OPCML: variants seen among roughly 807,000 people sequenced by gnomAD.
OPCML encodes opioid binding protein/cell adhesion molecule like, also known as opioid-binding protein/cell adhesion molecule.
OPCML carries 13 observed loss-of-function variants against 37.8 expected under a neutral mutation model. The observed-to-expected ratio is 0.34, with a 90% CI of 0.22 to 0.55. The LOEUF (loss-of-function observed/expected upper bound fraction) is 0.55, where lower values mean the gene tolerates loss of function less well. OPCML is among the 20% of genes least tolerant of loss of function. The pLI is 0.91. For synonymous variants in OPCML, 176 were observed against 168.8 expected (o/e 1.04, Z -0.33); for missense variants, 341 against 435.6 (o/e 0.78, Z 1.93).
intron 4 of OPCML, among the ~76,000 whole-genome samples, chr11:132,492,044 G>A (rs770584687): frequency 6.6e-6 from 1 of 151,454 alleles, no homozygotes; most frequent in African/African-American, 2.4e-5. Flanking sequence ...AGGGAGAGAA[G>A]GTCACAACCA....
chr11:133,183,511 T>C (rs908977770), intron 1 of OPCML, among the ~76,000 whole-genome samples: 12 of 152,226 alleles, frequency 7.9e-5, no homozygotes, highest in Non-Finnish European at 1.8e-4. Flanking sequence ...AAATATTTTC[T>C]TCTAACTACT....
chr11:133,492,589 G>A (rs77982323), intron 1 of OPCML, among the ~76,000 whole-genome samples: 2,326 of 151,910 alleles, frequency 0.015, 64 homozygotes, highest in African/African-American at 0.054. Flanking sequence ...ACTAAAACAC[G>A]TCCCAGGGTT....
intron 1 of OPCML, among the ~76,000 whole-genome samples, chr11:133,411,757 C>T (rs76401244): frequency 0.096 from 14,595 of 152,182 alleles, 1,008 homozygotes; most frequent in African/African-American, 0.18. Flanking sequence ...TCGAAACCTC[C>T]GAGTCCCAGG....
intron 1 of OPCML, among the ~76,000 whole-genome samples, chr11:133,458,876 T>TAC (rs201700168): frequency 8.1e-6 from 1 of 123,228 alleles, no homozygotes; most frequent in African/African-American, 4.7e-5. Context: ...TACACACACA[T>TAC]ACACACACAT....
At chr11:133,528,195 G>A (rs572940468) in intron 1 of OPCML, among the ~76,000 whole-genome samples, 4 of 152,340 alleles carry the variant, frequency 2.6e-5, no homozygotes, top group Admixed American at 6.5e-5. Flanking sequence ...TACTGAAAAA[G>A]CCATCTTCAT....
intron 1 of OPCML, among the ~76,000 whole-genome samples, chr11:133,415,442 A>C (rs1490316625): frequency 6.6e-6 from 1 of 151,912 alleles, no homozygotes; most frequent in Non-Finnish European, 1.5e-5. Flanking sequence ...TATTCTCCAG[A>C]TCTGGTGTGG....
chr11:133,258,000 G>A (rs528636357), intron 1 of OPCML, among the ~76,000 whole-genome samples: 1 of 152,176 alleles, frequency 6.6e-6, no homozygotes, highest in African/African-American at 2.4e-5. Context: ...GTATCTGGGG[G>A]TGAGTTAAGA....
intron 1 of OPCML, among the ~76,000 whole-genome samples, chr11:133,054,156 C>T (rs890156247): frequency 1.3e-5 from 2 of 152,126 alleles, no homozygotes; most frequent in Non-Finnish European, 2.9e-5. Context: ...CACCTGAGTC[C>T]AGGCATAGGA....
At chr11:133,246,706 C>A (rs780177894) in intron 1 of OPCML, among the ~76,000 whole-genome samples, 1 of 152,092 alleles carries the variant, frequency 6.6e-6, no homozygotes, top group African/African-American at 2.4e-5. Flanking sequence ...AACTTTTCAA[C>A]GTTTTTTGAG....
chr11:133,025,978 A>G (rs1488945122), intron 1 of OPCML: 2 of 742,460 alleles, frequency 2.7e-6, no homozygotes, highest in Non-Finnish European at 3.3e-6. Context: ...CAGGTGATCC[A>G]CCCACCTTGG....
At chr11:132,538,581 G>A (rs780595769) in intron 3 of OPCML, among the ~76,000 whole-genome samples, 3 of 152,078 alleles carry the variant, frequency 2.0e-5, no homozygotes, top group African/African-American at 7.2e-5. Context: ...TGCATAAAAC[G>A]TTTATAAAAA....
chr11:132,779,307 G>A (rs1048390585), intron 2 of OPCML, among the ~76,000 whole-genome samples: 3 of 152,008 alleles, frequency 2.0e-5, no homozygotes, highest in Admixed American at 6.6e-5. Context: ...GTATCACAGC[G>A]TATGTCCCAG....
At chr11:133,501,285 G>T (rs186760494) in intron 1 of OPCML, among the ~76,000 whole-genome samples, 17 of 151,922 alleles carry the variant, frequency 1.1e-4, no homozygotes, top group African/African-American at 4.1e-4. Flanking sequence ...GACTTCCTAG[G>T]GACCCCCCCA....
chr11:133,489,015 A>G (rs764474109), intron 1 of OPCML, among the ~76,000 whole-genome samples: 5 of 151,120 alleles, frequency 3.3e-5, no homozygotes, highest in Admixed American at 6.6e-5. Context: ...TGTTGGGAAA[A>G]TTGGATACCC....
At chr11:132,926,906 C>T (rs1945013164) in intron 2 of OPCML, among the ~76,000 whole-genome samples, 1 of 151,672 alleles carries the variant, frequency 6.6e-6, no homozygotes, top group African/African-American at 2.4e-5. Context: ...AATAAGAAAA[C>T]AACCAAAAAC....
chr11:133,428,573 A>C (rs1302908112), intron 1 of OPCML, among the ~76,000 whole-genome samples: 1 of 152,254 alleles, frequency 6.6e-6, no homozygotes, highest in Non-Finnish European at 1.5e-5. Flanking sequence ...TAGCAACAAT[A>C]GAACAAAGCA....
At chr11:133,186,500 A>G (rs1379091773) in intron 1 of OPCML, among the ~76,000 whole-genome samples, 1 of 151,550 alleles carries the variant, frequency 6.6e-6, no homozygotes, top group Non-Finnish European at 1.5e-5. Context: ...AGAGAGTAGA[A>G]AAAAGGCGGG....
intron 1 of OPCML, chr11:133,301,877 G>C (rs1338556656): frequency 6.6e-6 from 1 of 152,098 alleles, no homozygotes; most frequent in Non-Finnish European, 1.5e-5. Flanking sequence ...TCCATAGTCA[G>C]AAACTATATG....
intron 3 of OPCML, among the ~76,000 whole-genome samples, chr11:132,656,015 C>T (rs75986230): frequency 7.2e-5 from 11 of 152,012 alleles, no homozygotes; most frequent in African/African-American, 2.7e-4. Flanking sequence ...GACTAAATCA[C>T]ACATAGGGAC....
Sources: gnomAD v4.1 joint callset for allele counts (sites outside exome capture counted in the v4.1 genomes callset) on GRCh38, gnomAD v4.1.1 for gene constraint, MANE v1.5 for transcripts, NCBI Gene and HGNC (gene_info 2026-07-23, HGNC 2026-07-21) for gene names.